The following GMNN variants were observed in gnomAD, a reference collection of about 807,000 sequenced individuals.
The protein encoded by GMNN is geminin DNA replication inhibitor, also known as geminin.
Under a neutral mutation model 20.9 loss-of-function variants are expected in GMNN, and 14 were observed. The observed-to-expected ratio is 0.67, with a 90% CI of 0.44 to 1.05. GMNN has a LOEUF of 1.05. Among genes scored for constraint, GMNN ranks in the 50% least tolerant of loss-of-function variants. The pLI is 0.00. For missense variants in GMNN, 227 were observed against 243.8 expected, an observed-to-expected ratio of 0.93 and a Z score of 0.46; for synonymous variants, 81 against 85.8, an observed-to-expected ratio of 0.94 and a Z score of 0.31.
chr6:24,780,858 A>T, intron 3 of GMNN, 118 bp downstream of exon 3: 1 of 640,376 alleles, frequency 1.6e-6, no homozygotes, highest in Non-Finnish European at 2.9e-6. Flanking sequence ...TAATTTGGGA[A>T]TCACAATTAT....
chr6:24,783,581 T>C (rs1300086426), intron 4 of GMNN, among the ~76,000 whole-genome samples: 1 of 152,130 alleles, frequency 6.6e-6, no homozygotes. Context: ...AGATAGCATC[T>C]TAATCAAATG....
At chr6:24,784,273 A>T (rs2113584091) in intron 5 of GMNN, 104 bp downstream of exon 5, 1 of 730,986 alleles carries the variant, frequency 1.4e-6, no homozygotes, top group African/African-American at 1.8e-5. Context: ...GTATTGGCTT[A>T]AGAAAAGTTT....
intron 5 of GMNN, 90 bp from the exon 6 acceptor site, chr6:24,784,354 A>C (rs943523463): frequency 5.5e-6 from 4 of 724,312 alleles, no homozygotes; most frequent in East Asian, 2.5e-5. Flanking sequence ...TCTATGCTGC[A>C]TGTCCTCCAT....
intron 4 of GMNN, 59 bp downstream of exon 4, chr6:24,781,680 G>A (rs1780225318): frequency 2.6e-6 from 2 of 758,266 alleles, no homozygotes; most frequent in Non-Finnish European, 4.1e-6. Context: ...GGAAAAATTT[G>A]TTAATACTAT....
chr6:24,784,048 G>C, intron 4 of GMNN, 39 bp from the exon 5 acceptor site: 2 of 937,184 alleles, frequency 2.1e-6, no homozygotes, highest in Non-Finnish European at 3.3e-6. Context: ...GGTTTTGACA[G>C]TAATGATTTT....
intron 1 of GMNN, chr6:24,775,940 T>C (rs1050380423): frequency 6.7e-6 from 1 of 149,968 alleles, no homozygotes; most frequent in Non-Finnish European, 1.5e-5. Flanking sequence ...CTAAGCAGTG[T>C]TGCTCATGAC....
At chr6:24,779,973 T>C (rs188084563) in intron 2 of GMNN, among the ~76,000 whole-genome samples, 152 of 152,320 alleles carry the variant, frequency 1.0e-3, no homozygotes, top group Non-Finnish European at 1.8e-3. Context: ...ACATGTACTT[T>C]GTTTTGTGTA....
chr6:24,777,158 G>T, intron 1 of GMNN, 64 bp from the exon 2 acceptor site: 2 of 564,480 alleles, frequency 3.5e-6, no homozygotes, highest in South Asian at 2.6e-5. Context: ...TTTTATGATT[G>T]TAAGTATTTT....
At position 24,781,625 on chromosome 6, in the gene GMNN, T is replaced by C. The variant is rs771605296; in HGVS notation, c.274+4T>C. ...TCATTTGATCTTATGATTAAAGGTA[T>C]GAAAAAATAGATAACTTTTGTCTTA... On this transcript the variant is annotated splice_donor_region_variant and intron_variant, in intron 4 of 6. Transcript: ENST00000230056. The C allele has an allele frequency of 7.4e-7, 1 of 1,357,794 alleles. No individual in the cohort carries two copies. Among genetic ancestry groups the C allele is most frequent in the South Asian group, 1.6e-5 (1 of 62,554 alleles). The allele number at this position is 1,357,794 out of a possible 1,614,324, so 84.1% of individuals were successfully genotyped here. A position where few individuals can be genotyped will look rare whatever the true frequency, so the allele number is the denominator to read the frequency against.
At chr6:24,784,201 A>T (rs758029000) in intron 5 of GMNN, 32 bp downstream of exon 5, 4 of 1,108,496 alleles carry the variant, frequency 3.6e-6, no homozygotes, top group South Asian at 2.6e-5. Flanking sequence ...TACCATTTTT[A>T]AAAATTCCAG....
At chr6:24,781,388 AC>A in intron 3 of GMNN, 88 bp from the exon 4 acceptor site, 1 of 790,962 alleles carries the variant, frequency 1.3e-6, no homozygotes, top group South Asian at 1.8e-5. Flanking sequence ...AGATATGCGT[AC>A]TCTTTTTTTA....
At chr6:24,784,326 G>A (rs1239603932) in intron 5 of GMNN, 118 bp from the exon 6 acceptor site, 3 of 685,430 alleles carry the variant, frequency 4.4e-6, no homozygotes, top group East Asian at 2.5e-5. Flanking sequence ...AATGAATCCC[G>A]TTGTGTTGAG....
chr6:24,778,985 A>G (rs1562191458), intron 2 of GMNN, among the ~76,000 whole-genome samples: 1 of 152,172 alleles, frequency 6.6e-6, no homozygotes, highest in Non-Finnish European at 1.5e-5. Flanking sequence ...CTTGAATATA[A>G]AGGATACTAG....
Position 24,785,911 on chromosome 6 carries a change from G to T in GMNN, c.*112G>T, listed in dbSNP as rs1349277981. On this transcript the variant is annotated 3_prime_UTR_variant, in exon 7 of 7. Transcript: ENST00000230056. ...GCCAACTCTGGAATCAAATTTCCTT[G>T]TTTGAATCCTGGGACCCTATTGCAT... 1.5e-6 allele frequency: 1 copy of T among 672,920 alleles called. No homozygotes were observed. Among genetic ancestry groups the T allele is most frequent in the East Asian group, 2.9e-5 (1 of 34,260 alleles). The allele number at this position is 672,920 out of a possible 1,614,324, so 41.7% of individuals were successfully genotyped here.
At position 24,781,505 on chromosome 6, in the gene GMNN, A is replaced by G. The variant is rs1053229509; in HGVS notation, c.158A>G (p.His53Arg). ...ELSAGLSKRK[H>R]RNDHLTSTTS... ...TCCGCAGGCTTGTCCAAAAGGAAACATCGGAATGACCACTTAACATCTACA... is the reference window on the plus strand; with the variant it reads ...TCCGCAGGCTTGTCCAAAAGGAAACGTCGGAATGACCACTTAACATCTACA... Residue 53 changes from histidine (H) to arginine (R), a missense_variant, in exon 4 of 7, where the codon CAT becomes CGT. Physicochemically the swap from His to Arg is conservative, Grantham distance 29. Coordinates refer to ENST00000230056, the MANE Select transcript of GMNN (RefSeq NM_015895.5). 8.8e-6 allele frequency: 14 copies of G among 1,598,372 alleles called. No individual in the cohort carries two copies. The highest frequency in any genetic ancestry group is 5.0e-5 in the Admixed American group (3 of 59,884).
chr6:24,786,052 A>G lies in GMNN; in HGVS notation c.*253A>G. ...AATAAACTTCAAACTCCTGTTGAAC[A>G]TTGTGTATAACTTAGAATAATGAAA... On this transcript the variant is annotated 3_prime_UTR_variant, in exon 7 of 7. Transcript: ENST00000230056. The G allele has an allele frequency of 2.8e-6, 1 of 355,186 alleles. No homozygotes were observed. Among genetic ancestry groups the G allele is most frequent in the Non-Finnish European group, 5.0e-6 (1 of 198,182 alleles). The allele number at this position is 355,186 out of a possible 1,614,324, so 22.0% of individuals were successfully genotyped here.
Position 24,785,084 on chromosome 6 carries a change from ATGTT to A in GMNN, c.468+534_468+537del, listed in dbSNP as rs560079877. 7.5e-3 allele frequency among the ~76,000 whole-genome samples: 1,140 copies of A among 152,256 alleles called. 16 individuals are homozygous for A. The highest frequency in any genetic ancestry group is 0.024 in the African/African-American group (989 of 41,568). The stretch of plus-strand genomic sequence containing the variant: ...TTAAAACATTTTGTAAGTAGCTAAT[ATGTT>A]TGTAAGAATTAGCCTGGTGTTGCTT... On this transcript the variant is annotated intron_variant, in intron 6 of 6. Coordinates refer to ENST00000230056, the MANE Select transcript of GMNN (RefSeq NM_015895.5).
intron 2 of GMNN, 136 bp downstream of exon 2, chr6:24,777,433 G>C (rs1177284779): frequency 2.4e-6 from 1 of 424,874 alleles, no homozygotes; most frequent in East Asian, 3.6e-5. Flanking sequence ...TAACAATAGA[G>C]AACATTTTTA....
At chr6:24,782,575 A>G (rs1197699727) in intron 4 of GMNN, among the ~76,000 whole-genome samples, 1 of 152,216 alleles carries the variant, frequency 6.6e-6, no homozygotes, top group Non-Finnish European at 1.5e-5. Flanking sequence ...AAAATTAGGA[A>G]AGGTTGACTG....
Sources: allele counts gnomAD v4.1 joint callset (sites outside exome capture counted in the v4.1 genomes callset), GRCh38; gene constraint gnomAD v4.1.1; transcripts MANE v1.5; gene names NCBI Gene and HGNC (gene_info 2026-07-23, HGNC 2026-07-21).